SIL1: variants seen among roughly 807,000 people sequenced by gnomAD.
SIL1 encodes SIL1 nucleotide exchange factor, also known as nucleotide exchange factor SIL1.
A neutral mutation model predicts 49.1 loss-of-function variants in SIL1; 40 were observed. The ratio of observed to expected loss-of-function variants is 0.81; its 90% CI spans 0.63 to 1.06. The LOEUF is 1.06. SIL1 is among the 50% of genes least tolerant of loss of function. The pLI, the probability that SIL1 is intolerant of heterozygous loss-of-function variation, is 0.00. For missense variants in SIL1, 500 were observed against 572.6 expected, an observed-to-expected ratio of 0.87 and a Z score of 1.29; for synonymous variants, 253 against 250.8, an observed-to-expected ratio of 1.01 and a Z score of -0.08.
At chr5:139,043,294 A>G (rs1197645352) in intron 4 of SIL1, among the ~76,000 whole-genome samples, 3 of 152,224 alleles carry the variant, frequency 2.0e-5, no homozygotes, top group African/African-American at 7.2e-5. Context: ...ATAACTGTGC[A>G]ATGCTCTCCC....
At chr5:138,974,687 G>C (rs139455470) in intron 7 of SIL1, among the ~76,000 whole-genome samples, 2 of 152,304 alleles carry the variant, frequency 1.3e-5, no homozygotes, top group African/African-American at 4.8e-5. Flanking sequence ...TTCCGGGCCT[G>C]GGTTTCCTTT....
intron 5 of SIL1, among the ~76,000 whole-genome samples, chr5:139,038,490 A>T (rs771984644): frequency 2.0e-5 from 3 of 152,228 alleles, no homozygotes; most frequent in Non-Finnish European, 4.4e-5. Context: ...CCTGGGCAGC[A>T]TTCCACACTA....
chr5:139,144,789 T>C (rs558508791), intron 1 of SIL1, among the ~76,000 whole-genome samples: 1 of 152,156 alleles, frequency 6.6e-6, no homozygotes, highest in South Asian at 2.1e-4. Flanking sequence ...AAGAATCACT[T>C]GAACCCGGGA....
chr5:139,137,520 A>AT (rs981496710), intron 1 of SIL1: 689 of 503,746 alleles, frequency 1.4e-3, no homozygotes, highest in Middle Eastern at 2.5e-3. Flanking sequence ...CAGGACAGAA[A>AT]TTTTTTTTTT....
At chr5:138,981,278 G>A (rs942720472) in intron 7 of SIL1, among the ~76,000 whole-genome samples, 2 of 151,466 alleles carry the variant, frequency 1.3e-5, no homozygotes, top group Non-Finnish European at 2.9e-5. Flanking sequence ...GATTTCTTGT[G>A]AGAAGCATTC....
chr5:139,163,668 C>A (rs1450202288), intron 1 of SIL1, among the ~76,000 whole-genome samples: 2 of 152,162 alleles, frequency 1.3e-5, no homozygotes, highest in African/African-American at 4.8e-5. Flanking sequence ...ACATGCCCAG[C>A]TGCTTCACTA....
chr5:139,138,698 T>C lies in SIL1; in HGVS notation c.-10-10845A>G, dbSNP rs1007725619. On this transcript the variant is annotated intron_variant, in intron 1 of 9. Coordinates refer to ENST00000394817, the MANE Select transcript of SIL1 (RefSeq NM_022464.5). ...ACTGTCTATATTAAATGAGATGACA[T>C]AGAGCATATAGCACAGTGCCTGACA... 2.6e-5 allele frequency among the ~76,000 whole-genome samples: 4 copies of C among 152,184 alleles called. No homozygotes were observed. In the South Asian group the frequency reaches 6.2e-4, roughly 24 times the overall value.
At chr5:138,986,164 C>T (rs1421498323) in intron 7 of SIL1, among the ~76,000 whole-genome samples, 1 of 152,162 alleles carries the variant, frequency 6.6e-6, no homozygotes, top group Non-Finnish European at 1.5e-5. Flanking sequence ...CATTATGCAT[C>T]CCTGCTGGAA....
rs751793085 is a variant in SIL1, at chr5:139,121,054, C to A, written c.225G>T (p.Glu75Asp). 6.2e-7 allele frequency: 1 copy of A among 1,614,064 alleles called. No individual in the cohort carries two copies. The highest frequency in any genetic ancestry group is 1.3e-5 in the African/African-American group (1 of 74,940). ...TGATACCTGGCTGAAGGGCCTGCCA[C>A]TCATGCGTCGGGTGGAACACCTCCA... The part of the protein sequence containing the change: ...EVLEVFHPTH[E>D]WQALQPGQAV... Residue 75 changes from glutamate (E) to aspartate (D), a missense_variant, in exon 3 of 10, where the codon GAG (glutamate) becomes GAT (aspartate). Transcript: ENST00000394817.
intron 1 of SIL1, among the ~76,000 whole-genome samples, chr5:139,184,612 G>C (rs895481516): frequency 3.3e-5 from 5 of 152,176 alleles, no homozygotes; most frequent in African/African-American, 1.2e-4. Context: ...TTTTGAGGTT[G>C]CAGTGAGCTA....
At chr5:139,153,403 C>T (rs986261315) in intron 1 of SIL1, among the ~76,000 whole-genome samples, 1 of 152,194 alleles carries the variant, frequency 6.6e-6, no homozygotes, top group Non-Finnish European at 1.5e-5. Context: ...CCCTTCCAGA[C>T]CTTAACCATT....
chr5:139,052,155 T>A (rs1173342659), intron 3 of SIL1, among the ~76,000 whole-genome samples: 1 of 152,122 alleles, frequency 6.6e-6, no homozygotes, highest in African/African-American at 2.4e-5. Context: ...AGAAGGATAA[T>A]GATATAGGCA....
chr5:139,127,773 G>A lies in SIL1; in HGVS notation c.71C>T (p.Ala24Val). ...ATGACTGAGGCAGAAGGTGAAGCAG[G>A]CGGCCATCAGCAGCCCAAGCAGCAT... ...LGMLLGLLMA[A>V]CFTFCLSHQN... is the part of the protein sequence containing the mutation. Residue 24 changes from alanine (A) to valine (V), a missense_variant, in exon 2 of 10, where the codon GCC becomes GTC. Coordinates refer to ENST00000394817, the MANE Select transcript of SIL1 (RefSeq NM_022464.5). 7.4e-6 allele frequency: 12 copies of A among 1,610,950 alleles called. No individual in the cohort carries two copies. The highest frequency in any genetic ancestry group is 1.0e-5 in the Non-Finnish European group (12 of 1,179,472).
intron 1 of SIL1, among the ~76,000 whole-genome samples, chr5:139,185,492 G>A (rs1382652814): frequency 2.6e-5 from 4 of 152,190 alleles, no homozygotes; most frequent in Non-Finnish European, 4.4e-5. Flanking sequence ...TTATACCAAT[G>A]AGCCATAGTA....
Position 139,097,626 on chromosome 5 carries a change from C to T in SIL1, c.244+23409G>A, listed in dbSNP as rs374217775. Among the ~76,000 whole-genome samples, 366 of 151,870 alleles carry T rather than the reference C, an allele frequency of 2.4e-3. 2 individuals carry two copies. The highest frequency in any genetic ancestry group is 8.1e-3 in the African/African-American group (337 of 41,428). On this transcript the variant is annotated intron_variant, in intron 3 of 9. Coordinates refer to ENST00000394817, the MANE Select transcript of SIL1 (RefSeq NM_022464.5). ...CCAAGCAGCTGGGACTACAGGAACA[C>T]GCCACTACGCCTGGCTAATTTTTGT...
intron 1 of SIL1, among the ~76,000 whole-genome samples, chr5:139,129,589 G>A (rs999474452): frequency 6.6e-6 from 1 of 152,184 alleles, no homozygotes; most frequent in African/African-American, 2.4e-5. Flanking sequence ...GGAGTATGGC[G>A]TGCACCCAGG....
rs952830152 is a variant in SIL1 at position 138,967,100 on chromosome 5, C to T, written c.768-15216G>A. 5.9e-5 allele frequency among the ~76,000 whole-genome samples: 9 copies of T among 152,088 alleles called. 1 individual carries two copies. Among genetic ancestry groups the T allele is most frequent in the Non-Finnish European group, 2.9e-5 (2 of 68,012 alleles). Reference sequence around the variant, plus strand: ...ATCGTTGTGTTTCTGAGAGCTGGACCCAGTATGGAGGAGGAGAATCCTGGT... The same window carrying T: ...ATCGTTGTGTTTCTGAGAGCTGGACTCAGTATGGAGGAGGAGAATCCTGGT... On this transcript the variant is annotated intron_variant, in intron 7 of 9. Coordinates refer to ENST00000394817, the MANE Select transcript of SIL1 (RefSeq NM_022464.5).
chr5:139,069,446 G>C (rs533230295), intron 3 of SIL1, among the ~76,000 whole-genome samples: 8 of 152,192 alleles, frequency 5.3e-5, no homozygotes, highest in African/African-American at 1.9e-4. Context: ...AGTAAGGTTT[G>C]TAACAAACTA....
At chr5:139,155,825 C>T (rs1751397848) in intron 1 of SIL1, among the ~76,000 whole-genome samples, 1 of 147,166 alleles carries the variant, frequency 6.8e-6, no homozygotes, top group Admixed American at 6.9e-5. Flanking sequence ...GGGAACTGTC[C>T]CAGGTCAAAT....
Sources: gnomAD v4.1 joint callset for allele counts (sites outside exome capture counted in the v4.1 genomes callset) on GRCh38, gnomAD v4.1.1 for gene constraint, MANE v1.5 for transcripts, NCBI Gene and HGNC (gene_info 2026-07-23, HGNC 2026-07-21) for gene names.